Variants in MED27 observed in about 807,000 individuals in gnomAD.
The protein encoded by MED27 is mediator complex subunit 27.
In MED27, 30 loss-of-function variants were observed where a neutral mutation model predicts 38.2. The observed-to-expected ratio is 0.79, with a 90% CI of 0.59 to 1.07. MED27 has a LOEUF of 1.07. Among genes scored for constraint, MED27 ranks in the 50% least tolerant of loss-of-function variants. The pLI is 0.00. For missense variants in MED27, 289 were observed against 397.5 expected, an observed-to-expected ratio of 0.73 and a Z score of 2.32; for synonymous variants, 122 against 153.5, an observed-to-expected ratio of 0.79 and a Z score of 1.52.
chr9:131,885,086 T>G (rs1839114892), intron 5 of MED27, among the ~76,000 whole-genome samples: 1 of 152,198 alleles, frequency 6.6e-6, no homozygotes, highest in Admixed American at 6.5e-5. Flanking sequence ...TCTGGCATGT[T>G]GTGGGCATCA....
rs554100210 is a variant in MED27 at position 131,917,040 on chromosome 9, G to A, written c.573+22341C>T. Among the ~76,000 whole-genome samples the A allele has an allele frequency of 4.9e-4, 74 of 152,302 alleles. No homozygotes were observed. Among genetic ancestry groups the A allele is most frequent in the African/African-American group, 1.7e-3 (71 of 41,554 alleles). On this transcript the variant is annotated intron_variant, in intron 4 of 7. Coordinates refer to ENST00000292035, the MANE Select transcript of MED27 (RefSeq NM_004269.4). This position sits in a 1 kb window ranked among gnomAD's most constrained non-coding sequence, Gnocchi z 4.6. ...CAGCAGGTGGAGAAGGGTGCCATAG[G>A]CAGAAATGCAGGTACAAAGCATAAA...
chr9:131,915,120 G>A (rs1003641868), intron 4 of MED27, among the ~76,000 whole-genome samples: 1 of 152,132 alleles, frequency 6.6e-6, no homozygotes, highest in African/African-American at 2.4e-5. Context: ...GATTATCTAG[G>A]GAGTAGGAGT....
intron 4 of MED27, among the ~76,000 whole-genome samples, chr9:131,905,734 A>AAAAAAAAAAAAAAAAAAAAAAAAAAAAC (rs751226482): frequency 1.4e-4 from 4 of 28,158 alleles, no homozygotes; most frequent in Non-Finnish European, 2.4e-4. Context: ...AAAACAGAAA[A>AAAAAAAAAAAAAAAAAAAAAAAAAAAAC]AGAAAAAGAA....
At position 131,947,739 on chromosome 9, in the gene MED27, G is replaced by A. The variant is rs534323843; in HGVS notation, c.480-8265C>T. On this transcript the variant is annotated intron_variant, in intron 3 of 7. Transcript: ENST00000292035. ...CCCTAGCCAGTGATCCCATGTTAGT[G>A]TGATGCTTAGCAGCTCGAGCCGGAT... is the stretch of plus-strand genomic sequence containing the variant. Among the ~76,000 whole-genome samples the A allele has an allele frequency of 2.6e-5, 4 of 151,678 alleles. No homozygotes were observed. In the South Asian group the frequency reaches 8.3e-4, roughly 32 times the overall value.
At chr9:132,065,410 T>C (rs1183851610) in intron 2 of MED27, among the ~76,000 whole-genome samples, 1 of 151,844 alleles carries the variant, frequency 6.6e-6, no homozygotes, top group African/African-American at 2.4e-5. Context: ...ATGAACCCAA[T>C]GGGTGACCAA....
rs1009588558 is a variant in MED27 at position 132,073,535 on chromosome 9, G to A, written c.348+3907C>T. 2.9e-5 allele frequency: 39 copies of A among 1,346,194 alleles called. 1 individual carries two copies. The highest frequency in any genetic ancestry group is 1.1e-4 in the South Asian group (6 of 53,316). 83.4% of individuals were successfully genotyped at this position (1,346,194 alleles called of 1,614,324 possible). ...AGAGTCCCTAAAGGAAAGGCTCTGCGTTGCAATGTAAAACGATTCCAACCC... is the reference window on the plus strand; with the variant it reads ...AGAGTCCCTAAAGGAAAGGCTCTGCATTGCAATGTAAAACGATTCCAACCC... On this transcript the variant is annotated intron_variant, in intron 2 of 7. Transcript: ENST00000292035.
intron 2 of MED27, chr9:132,073,371 C>CT: frequency 9.8e-7 from 1 of 1,022,832 alleles, no homozygotes; most frequent in Non-Finnish European, 1.2e-6. Flanking sequence ...TTCATTTATT[C>CT]TTTCATTCTC....
chr9:132,023,502 T>G lies in MED27; in HGVS notation c.349-9035A>C, dbSNP rs150375123. Among the ~76,000 whole-genome samples, 795 of 152,348 alleles carry G rather than the reference T, an allele frequency of 5.2e-3. 14 individuals are homozygous for G. Among genetic ancestry groups the G allele is most frequent in the African/African-American group, 0.018 (733 of 41,586 alleles). ...AGCTGGAGAGTTTATTTAGCTCTTCTTTATTCCAGTGTCATGAAATGCCTG... is the reference window on the plus strand; with the variant it reads ...AGCTGGAGAGTTTATTTAGCTCTTCGTTATTCCAGTGTCATGAAATGCCTG... On this transcript the variant is annotated intron_variant, in intron 2 of 7. Transcript: ENST00000292035.
At chr9:132,022,325 A>G (rs1185569590) in intron 2 of MED27, among the ~76,000 whole-genome samples, 1 of 152,220 alleles carries the variant, frequency 6.6e-6, no homozygotes, top group Non-Finnish European at 1.5e-5. Flanking sequence ...TGTGCATCTG[A>G]TCTTTCAGTT....
At chr9:132,060,582 G>GA (rs896869973) in intron 2 of MED27, among the ~76,000 whole-genome samples, 1 of 152,124 alleles carries the variant, frequency 6.6e-6, no homozygotes, top group African/African-American at 2.4e-5. Flanking sequence ...GCTTCTACAG[G>GA]AAACCCTTTA....
At chr9:132,077,292 C>T (rs966650022) in intron 2 of MED27, 150 bp downstream of exon 2, 3 of 752,008 alleles carry the variant, frequency 4.0e-6, no homozygotes, top group Non-Finnish European at 2.1e-6. Context: ...AAATAGGTTA[C>T]AGAAAAATTC....
chr9:132,034,440 G>C (rs1201036955), intron 2 of MED27, among the ~76,000 whole-genome samples: 6 of 152,116 alleles, frequency 3.9e-5, no homozygotes, highest in Non-Finnish European at 2.9e-5. Flanking sequence ...CCCTAACAAA[G>C]CCTGCCCTTC....
rs1332137218 is a variant in MED27, at chr9:131,893,772, G to A, written c.681+113C>T. The A allele has an allele frequency of 7.0e-6, 5 of 715,964 alleles. No individual in the cohort carries two copies. In the East Asian group the frequency reaches 1.1e-4, roughly 15 times the overall value. 44.4% of individuals were successfully genotyped at this position (715,964 alleles called of 1,614,324 possible). The stretch of plus-strand genomic sequence containing the variant: ...TCCTCACACTGACAAATCTATGTTT[G>A]CTGATCATTTCCGCTATGATTGCTA... On this transcript the variant is annotated intron_variant, in intron 5 of 7. Coordinates refer to ENST00000292035, the MANE Select transcript of MED27 (RefSeq NM_004269.4).
At chr9:131,979,286 C>T (rs1831679386) in intron 3 of MED27, among the ~76,000 whole-genome samples, 1 of 152,140 alleles carries the variant, frequency 6.6e-6, no homozygotes, top group African/African-American at 2.4e-5. Context: ...TAAAGAACAG[C>T]ATCAGCACAA....
chr9:132,079,502 G>A, intron 1 of MED27, 140 bp downstream of exon 1: 2 of 757,722 alleles, frequency 2.6e-6, no homozygotes, highest in South Asian at 1.7e-5. Context: ...GGGACAGGCA[G>A]AGGCTTGGAG....
chr9:132,048,800 A>G (rs1833401518), intron 2 of MED27, among the ~76,000 whole-genome samples: 1 of 152,166 alleles, frequency 6.6e-6, no homozygotes, highest in South Asian at 2.1e-4. Flanking sequence ...GTGTCATGCC[A>G]TTCATGGTAG....
chr9:132,016,019 T>G (rs1300307524), intron 2 of MED27, among the ~76,000 whole-genome samples: 2 of 152,248 alleles, frequency 1.3e-5, no homozygotes, highest in Non-Finnish European at 2.9e-5. Context: ...CAATTTCTTC[T>G]CAAAATGCTC....
intron 3 of MED27, among the ~76,000 whole-genome samples, chr9:132,010,091 T>G (rs936034526): frequency 1.3e-5 from 2 of 152,248 alleles, no homozygotes; most frequent in Non-Finnish European, 2.9e-5. Context: ...TTTGTCAATT[T>G]TGGCTTTGTT....
intron 3 of MED27, among the ~76,000 whole-genome samples, chr9:131,981,732 C>A (rs1831741592): frequency 6.6e-6 from 1 of 152,206 alleles, no homozygotes; most frequent in Non-Finnish European, 1.5e-5. Flanking sequence ...CCCTGTCACC[C>A]AGTCATCACA....
Sources: allele counts gnomAD v4.1 joint callset (sites outside exome capture counted in the v4.1 genomes callset), GRCh38; gene constraint gnomAD v4.1.1; non-coding constraint Gnocchi (gnomAD v3.1); transcripts MANE v1.5; gene names NCBI Gene and HGNC (gene_info 2026-07-23, HGNC 2026-07-21).